Variants in EXOC4 observed in about 807,000 individuals in gnomAD.
The protein encoded by EXOC4 is exocyst complex component 4.
EXOC4 carries 71 observed loss-of-function variants against 107.2 expected under a neutral mutation model. The observed-to-expected ratio is 0.66, with a 90% CI of 0.55 to 0.81. The LOEUF is 0.81. Among genes scored for constraint, EXOC4 ranks in the 30% least tolerant of loss-of-function variants. EXOC4 has a pLI of 0.00. For missense variants in EXOC4, 1,108 were observed against 1,189.6 expected (o/e 0.93, Z 1.01); for synonymous variants, 456 against 441.2 (o/e 1.03, Z -0.42).
intron 12 of EXOC4, among the ~76,000 whole-genome samples, chr7:133,907,754 G>A (rs560080678): frequency 3.3e-5 from 5 of 152,110 alleles, no homozygotes; most frequent in South Asian, 2.1e-4. Context: ...CAGGAGAATC[G>A]CTTGAACCTG....
rs149312476 is a variant in EXOC4 at position 133,895,677 on chromosome 7, C to G, written c.1813C>G (p.Leu605Val). 1.9e-5 allele frequency: 30 copies of G among 1,614,044 alleles called. No individual in the cohort carries two copies. The highest frequency in any genetic ancestry group is 2.4e-5 in the Non-Finnish European group (28 of 1,179,990). Residue 605 changes from leucine (L) to valine (V), a missense_variant, in exon 12 of 18, where the codon CTC becomes GTC. Coordinates refer to ENST00000253861, the MANE Select transcript of EXOC4 (RefSeq NM_021807.4). ...HDLSAYSDQF[L>V]NMVCVKLQEY... ...CTTGAGTGCATATTCAGATCAATTC[C>G]TCAACATGGTGTGCGTGAAGCTCCA...
chr7:133,305,926 T>C lies in EXOC4; in HGVS notation c.521T>C (p.Leu174Pro). Residue 174 changes from leucine to proline, a missense_variant, in exon 4 of 18, where the codon CTG (leucine) becomes CCG (proline). Leu to Pro is a moderately conservative substitution (Grantham distance 98, BLOSUM62 -3). Transcript: ENST00000253861. ...GGCCCCCTGCTCCAGGTGGAAGGACTGAGTGACCTTCGACTAGAGCTTCAC... is the reference window on the plus strand; with the variant it reads ...GGCCCCCTGCTCCAGGTGGAAGGACCGAGTGACCTTCGACTAGAGCTTCAC... ...LEGPLLQVEGLSDLRLELHSK... is the reference protein window; with the variant it reads ...LEGPLLQVEGPSDLRLELHSK... 6.2e-7 allele frequency: 1 copy of C among 1,613,414 alleles called. No homozygotes were observed. The highest frequency in any genetic ancestry group is 8.5e-7 in the Non-Finnish European group (1 of 1,179,668).
At position 133,475,497 on chromosome 7, in the gene EXOC4, A is replaced by G. The variant is rs747288358; in HGVS notation, c.1328+24A>G. ...AAGTAAGTATTATTCTGCTGTTAATAGGTTTTAAGAATTGTTAGACTGAAG... is the reference window on the plus strand; with the variant it reads ...AAGTAAGTATTATTCTGCTGTTAATGGGTTTTAAGAATTGTTAGACTGAAG... On this transcript the variant is annotated intron_variant, in intron 8 of 17. Coordinates refer to ENST00000253861, the MANE Select transcript of EXOC4 (RefSeq NM_021807.4). The G allele has an allele frequency of 5.0e-6, 8 of 1,606,404 alleles. No individual in the cohort carries two copies. The Admixed American group carries it at 1.2e-4, about 24-fold the overall frequency.
intron 1 of EXOC4, among the ~76,000 whole-genome samples, chr7:133,262,136 A>T (rs1171972963): frequency 1.3e-5 from 2 of 152,006 alleles, no homozygotes; most frequent in African/African-American, 2.4e-5. Context: ...TTCTTATTTT[A>T]AAAAAAATCT....
At chr7:133,916,830 C>G (rs935505852) in intron 12 of EXOC4, among the ~76,000 whole-genome samples, 3 of 152,064 alleles carry the variant, frequency 2.0e-5, no homozygotes, top group Middle Eastern at 3.2e-3. Context: ...ATATTTAGAT[C>G]GTTGAAATTA....
chr7:133,505,231 T>C (rs1799645888), intron 9 of EXOC4, among the ~76,000 whole-genome samples: 1 of 152,112 alleles, frequency 6.6e-6, no homozygotes, highest in South Asian at 2.1e-4. Context: ...TTCTATCTGC[T>C]TTTTGAAAAA....
intron 11 of EXOC4, among the ~76,000 whole-genome samples, chr7:133,885,750 G>C (rs969530243): frequency 1.3e-5 from 2 of 152,222 alleles, no homozygotes; most frequent in African/African-American, 2.4e-5. Context: ...CAAAGGCACA[G>C]AGGCAGAAAT....
chr7:134,057,920 G>C (rs1010146444), intron 17 of EXOC4, among the ~76,000 whole-genome samples: 1 of 152,310 alleles, frequency 6.6e-6, no homozygotes, highest in South Asian at 2.1e-4. Flanking sequence ...TAGTAGCGAA[G>C]AATGAAAGAC....
At chr7:133,511,617 G>GT (rs1799770407) in intron 9 of EXOC4, among the ~76,000 whole-genome samples, 1 of 152,090 alleles carries the variant, frequency 6.6e-6, no homozygotes, top group African/African-American at 2.4e-5. Flanking sequence ...TTATTCCAAT[G>GT]TGGCATATTT....
At chr7:133,354,052 T>G (rs1235379839) in intron 5 of EXOC4, among the ~76,000 whole-genome samples, 1 of 152,068 alleles carries the variant, frequency 6.6e-6, no homozygotes, top group Non-Finnish European at 1.5e-5. Context: ...TTTTGTTATT[T>G]GAGCATCTTT....
intron 11 of EXOC4, among the ~76,000 whole-genome samples, chr7:133,855,363 T>C (rs1798353199): frequency 6.6e-6 from 1 of 151,460 alleles, no homozygotes; most frequent in Non-Finnish European, 1.5e-5. Flanking sequence ...TTACAGCAGG[T>C]ACCCTGTCAG....
intron 10 of EXOC4, among the ~76,000 whole-genome samples, chr7:133,741,445 C>T (rs545608818): frequency 6.6e-6 from 1 of 152,250 alleles, no homozygotes; most frequent in African/African-American, 2.4e-5. Flanking sequence ...TAACATAACA[C>T]CTCGCTCCTG....
intron 11 of EXOC4, among the ~76,000 whole-genome samples, chr7:133,845,084 T>G (rs183071743): frequency 3.3e-4 from 50 of 152,270 alleles, no homozygotes; most frequent in Admixed American, 6.5e-4. Context: ...GTATTGCTTA[T>G]GTGTTTTCTC....
rs748707246 is a variant in EXOC4, at chr7:133,604,094, C to T, written c.1418-25951C>T. Among the ~76,000 whole-genome samples the T allele has an allele frequency of 5.3e-5, 8 of 151,710 alleles. No homozygotes were observed. The South Asian group carries it at 1.0e-3, about 20-fold the overall frequency. On this transcript the variant is annotated intron_variant, in intron 9 of 17. Coordinates refer to ENST00000253861, the MANE Select transcript of EXOC4 (RefSeq NM_021807.4). ...CAGGCCTACACAGGGTCAGGATCATCAGTATCACTGTCTTCTACCCCCACA... is the reference window on the plus strand; with the variant it reads ...CAGGCCTACACAGGGTCAGGATCATTAGTATCACTGTCTTCTACCCCCACA...
In EXOC4 at chr7:133,725,975, A is replaced by G. The variant is rs144674558; in HGVS notation, c.1515-91350A>G. Among the ~76,000 whole-genome samples the G allele has an allele frequency of 2.6e-5, 4 of 152,332 alleles. No individual in the cohort carries two copies. The East Asian group carries it at 5.8e-4, about 22-fold the overall frequency. ...CCACATTTGACAAAAAGGAGTTGCT[A>G]TTCACTGTGATGGGAAAGACTTGGA... On this transcript the variant is annotated intron_variant, in intron 10 of 17. Coordinates refer to ENST00000253861, the MANE Select transcript of EXOC4 (RefSeq NM_021807.4).
At chr7:133,532,468 G>A (rs1034779162) in intron 9 of EXOC4, among the ~76,000 whole-genome samples, 5 of 152,074 alleles carry the variant, frequency 3.3e-5, no homozygotes, top group African/African-American at 9.7e-5. Flanking sequence ...CGTTTTGTAG[G>A]TAATTTATTT....
Position 133,356,536 on chromosome 7 carries a change from C to T in EXOC4, c.970C>T (p.Gln324Ter). 3 of 1,614,064 alleles carry T rather than the reference C, an allele frequency of 1.9e-6. No individual in the cohort carries two copies. Among genetic ancestry groups the T allele is most frequent in the Non-Finnish European group, 2.5e-6 (3 of 1,179,968 alleles). ...STTQVADSGY[Q>*]RGENVTVENQ... ...AACCCAGGTGGCAGACAGTGGCTATCAGCGGGGGGAGAACGTTACTGTGGA... is the reference window on the plus strand; with the variant it reads ...AACCCAGGTGGCAGACAGTGGCTATTAGCGGGGGGAGAACGTTACTGTGGA... Residue 324 changes from glutamine to a stop codon, truncating the protein, a stop_gained, in exon 6 of 18, where the codon CAG (glutamine) becomes TAG (stop). Transcript: ENST00000253861. LOFTEE classifies it high-confidence loss of function.
At chr7:134,049,332 C>G (rs1478945464) in intron 17 of EXOC4, among the ~76,000 whole-genome samples, 3 of 152,194 alleles carry the variant, frequency 2.0e-5, no homozygotes, top group Non-Finnish European at 4.4e-5. Flanking sequence ...AGTCCAAAAT[C>G]TTAGCATGGC....
intron 14 of EXOC4, among the ~76,000 whole-genome samples, chr7:133,984,886 A>AT (rs1303073299): frequency 1.3e-5 from 2 of 152,224 alleles, no homozygotes; most frequent in East Asian, 3.8e-4. Context: ...TCTAGAGGTA[A>AT]TAAAAAGTGC....
Sources: allele counts gnomAD v4.1 joint callset (sites outside exome capture counted in the v4.1 genomes callset), GRCh38; gene constraint gnomAD v4.1.1; transcripts MANE v1.5; gene names NCBI Gene and HGNC (gene_info 2026-07-23, HGNC 2026-07-21).